Variants in FRAS1 observed in about 807,000 individuals in gnomAD.
FRAS1 encodes Fraser extracellular matrix complex subunit 1, also known as extracellular matrix organizing protein FRAS1.
Under a neutral mutation model 435.2 loss-of-function variants are expected in FRAS1, and 290 were observed. That is an observed-to-expected ratio of 0.67 (90% confidence interval 0.61 to 0.73). The LOEUF (loss-of-function observed/expected upper bound fraction) is 0.73. FRAS1 is among the 30% of genes least tolerant of loss of function. FRAS1 has a pLI of 0.00. For synonymous variants in FRAS1, 1,800 were observed against 1,851.0 expected, an observed-to-expected ratio of 0.97 and a Z score of 0.71; for missense variants, 4,860 against 5,001.5, an observed-to-expected ratio of 0.97 and a Z score of 0.85.
chr4:78,452,143 C>G, intron 46 of FRAS1, 32 bp from the exon 47 acceptor site: 1 of 1,600,334 alleles, frequency 6.2e-7, no homozygotes, highest in Non-Finnish European at 8.6e-7. Context: ...TGAGAAGATC[C>G]CATTTCAAAT....
chr4:78,532,782 G>T (rs1007621696), intron 70 of FRAS1, among the ~76,000 whole-genome samples: 1 of 152,050 alleles, frequency 6.6e-6, no homozygotes, highest in African/African-American at 2.4e-5. Context: ...TGTCTTTCAG[G>T]TTCATCCATG....
In FRAS1 at chr4:78,324,731, T is replaced by TTTTTC. The variant is rs1491139973; in HGVS notation, c.2137+5745_2137+5746insTTTTC. Among the ~76,000 whole-genome samples the TTTTTC allele has an allele frequency of 9.1e-3, 1,085 of 119,250 alleles. 30 individuals are homozygous for TTTTTC. The highest frequency in any genetic ancestry group is 0.031 in the African/African-American group (1,017 of 32,642). The allele number at this position is 119,250 out of a possible 152,430, so 78.2% of individuals were successfully genotyped here. A position where few individuals can be genotyped will look rare whatever the true frequency, so the allele number is the denominator to read the frequency against. On this transcript the variant is annotated intron_variant, in intron 18 of 73. Coordinates refer to ENST00000512123, the MANE Select transcript of FRAS1 (RefSeq NM_025074.7). Reference sequence around the variant, plus strand: ...TCCTTTTTTTTTTTTTTTTTTTTTTTCTGCATGTCACACTAGAGCTTTACA... The same window carrying TTTTTC: ...TCCTTTTTTTTTTTTTTTTTTTTTTTTTTTCCTGCATGTCACACTAGAGCTTTACA...
intron 26 of FRAS1, among the ~76,000 whole-genome samples, chr4:78,376,333 G>A (rs1731759193): frequency 6.6e-6 from 1 of 152,072 alleles, no homozygotes. Flanking sequence ...AAAAATATAG[G>A]CTACAAACCT....
chr4:78,058,082 G>T lies in FRAS1; in HGVS notation c.73G>T (p.Glu25Ter). The change falls in exon 1 of 74, where the codon GAA becomes TAA. Residue 25 changes from glutamate to a stop codon, truncating the protein, a stop_gained. Transcript: ENST00000512123. LOFTEE classifies it high-confidence loss of function. ...ATTTGCAGTATTGCCTCATCATTCC[G>T]AAGGTGAGAGAGCGGTGCCGCGTGT... ...AEFAVLPHHS[E>*]GACVYQDSLL... 6.2e-7 allele frequency: 1 copy of T among 1,613,410 alleles called. No individual in the cohort carries two copies. The highest frequency in any genetic ancestry group is 8.5e-7 in the Non-Finnish European group (1 of 1,179,668).
intron 29 of FRAS1, among the ~76,000 whole-genome samples, chr4:78,388,718 G>T (rs1248165067): frequency 6.6e-6 from 1 of 151,950 alleles, no homozygotes; most frequent in African/African-American, 2.4e-5. Context: ...TGAGGTGGGA[G>T]GATCACTTTA....
chr4:78,394,604 CT>C (rs781600916), intron 29 of FRAS1, among the ~76,000 whole-genome samples: 17 of 151,970 alleles, frequency 1.1e-4, no homozygotes, highest in Non-Finnish European at 2.4e-4. Context: ...GTTTTAATTA[CT>C]ATAACTTTGT....
At chr4:78,208,739 T>C (rs1319677045) in intron 2 of FRAS1, among the ~76,000 whole-genome samples, 2 of 152,188 alleles carry the variant, frequency 1.3e-5, no homozygotes, top group Non-Finnish European at 2.9e-5. Context: ...TTTTTCTACA[T>C]TATAATTTAT....
intron 2 of FRAS1, among the ~76,000 whole-genome samples, chr4:78,198,168 A>T (rs538507386): frequency 3.3e-5 from 5 of 152,248 alleles, no homozygotes; most frequent in African/African-American, 1.2e-4. Context: ...ACCTCCTCAG[A>T]CACCACTGAA....
At chr4:78,133,401 G>A (rs959925244) in intron 2 of FRAS1, among the ~76,000 whole-genome samples, 3 of 152,118 alleles carry the variant, frequency 2.0e-5, no homozygotes, top group Non-Finnish European at 4.4e-5. Flanking sequence ...GAGGGAGGTA[G>A]GGAAGGTTAA....
intron 2 of FRAS1, among the ~76,000 whole-genome samples, chr4:78,151,425 C>T (rs894986306): frequency 8.5e-5 from 13 of 152,110 alleles, no homozygotes; most frequent in African/African-American, 2.9e-4. Flanking sequence ...CCTCAGTGGA[C>T]CCTCTGTCTC....
Position 78,375,847 on chromosome 4 carries a change from T to G in FRAS1, c.3260T>G (p.Phe1087Cys), listed in dbSNP as rs762836848. The G allele has an allele frequency of 2.5e-6, 4 of 1,613,904 alleles. No individual in the cohort carries two copies. Among genetic ancestry groups the G allele is most frequent in the Non-Finnish European group, 3.4e-6 (4 of 1,179,834 alleles). The change falls in exon 26 of 74, where the codon TTT becomes TGT. Residue 1087 changes from phenylalanine (F) to cysteine (C), a missense_variant. Coordinates refer to ENST00000512123, the MANE Select transcript of FRAS1 (RefSeq NM_025074.7). ...TGTGTTTACAACTGTGTTCCTGGCTTTTCTGTCCACACCTCTAATGAAACA... is the reference window on the plus strand; with the variant it reads ...TGTGTTTACAACTGTGTTCCTGGCTGTTCTGTCCACACCTCTAATGAAACA... ...GLCVYNCVPGFSVHTSNETCS... is the reference protein window; with the variant it reads ...GLCVYNCVPGCSVHTSNETCS...
At chr4:78,081,707 T>C (rs1560511292) in intron 2 of FRAS1, among the ~76,000 whole-genome samples, 1 of 152,064 alleles carries the variant, frequency 6.6e-6, no homozygotes, top group Non-Finnish European at 1.5e-5. Context: ...TCTGGGAGCC[T>C]CAGAGTCAGA....
intron 20 of FRAS1, among the ~76,000 whole-genome samples, chr4:78,360,029 G>A (rs1318615481): frequency 6.6e-6 from 1 of 152,198 alleles, no homozygotes; most frequent in Non-Finnish European, 1.5e-5. Flanking sequence ...AAACCGCCAT[G>A]TCTGGTTTGA....
chr4:78,463,180 A>G (rs1719421889), intron 47 of FRAS1, among the ~76,000 whole-genome samples: 1 of 152,186 alleles, frequency 6.6e-6, no homozygotes, highest in Admixed American at 6.5e-5. Context: ...AGAAGCAACA[A>G]TTTCAAGTTG....
Position 78,429,109 on chromosome 4 carries a change from C to A in FRAS1, c.4726C>A (p.His1576Asn), listed in dbSNP as rs1734112481. The change falls in exon 36 of 74, where the codon CAC becomes AAC. Residue 1576 changes from histidine to asparagine, a missense_variant. His to Asn is a moderately conservative substitution (Grantham distance 68, BLOSUM62 1). Coordinates refer to ENST00000512123, the MANE Select transcript of FRAS1 (RefSeq NM_025074.7). ...KFHFTVSDGEHTSPEMVLTIH... is the reference protein window; with the variant it reads ...KFHFTVSDGENTSPEMVLTIH... ...ATCCTTTTTAGTTTCAGATGGAGAACACACAAGTCCGGAGATGGTCCTCAC... is the reference window on the plus strand; with the variant it reads ...ATCCTTTTTAGTTTCAGATGGAGAAAACACAAGTCCGGAGATGGTCCTCAC... The A allele has an allele frequency of 6.4e-7, 1 of 1,555,904 alleles. No homozygotes were observed.
rs200203389 is a variant in FRAS1, at chr4:78,515,855, G to A, written c.10231G>A (p.Asp3411Asn). 540 of 1,613,888 alleles carry A rather than the reference G, an allele frequency of 3.3e-4. 2 individuals carry two copies. Among genetic ancestry groups the A allele is most frequent in the Non-Finnish European group, 3.9e-4 (456 of 1,179,902 alleles). The change falls in exon 66 of 74, where the codon GAT becomes AAT. Residue 3411 changes from aspartate (D) to asparagine (N), a missense_variant. Coordinates refer to ENST00000512123, the MANE Select transcript of FRAS1 (RefSeq NM_025074.7). The part of the protein sequence containing the change: ...YDSTALGPGY[D>N]RPFQFDPSVR... ...TAGCACTGCCCTGGGGCCTGGCTAC[G>A]ATCGCCCCTTCCAGTTTGACCCCAG...
chr4:78,528,442 TA>T (rs1721610328), intron 70 of FRAS1, among the ~76,000 whole-genome samples: 1 of 152,202 alleles, frequency 6.6e-6, no homozygotes, highest in African/African-American at 2.4e-5. Flanking sequence ...TTTCTGCAGA[TA>T]ACCACAGATC....
chr4:78,081,142 A>C lies in FRAS1; in HGVS notation c.108+15126A>C, dbSNP rs149073858. The stretch of plus-strand genomic sequence containing the variant: ...TGAGGATGGGGGTTTGTGGGGCTGC[A>C]GAAAGGAAAGCTAGACTGTAAAGGG... On this transcript the variant is annotated intron_variant, in intron 2 of 73. Coordinates refer to ENST00000512123, the MANE Select transcript of FRAS1 (RefSeq NM_025074.7). Among the ~76,000 whole-genome samples, 806 of 152,278 alleles carry C rather than the reference A, an allele frequency of 5.3e-3. 6 individuals carry two copies. Among genetic ancestry groups the C allele is most frequent in the African/African-American group, 0.018 (766 of 41,570 alleles).
chr4:78,530,104 T>A (rs1331131567), intron 70 of FRAS1, among the ~76,000 whole-genome samples: 2 of 152,124 alleles, frequency 1.3e-5, no homozygotes, highest in Admixed American at 1.3e-4. Flanking sequence ...AATTCCACAA[T>A]GTATTTGACC....
Sources: gnomAD v4.1 joint callset for allele counts (sites outside exome capture counted in the v4.1 genomes callset) on GRCh38, gnomAD v4.1.1 for gene constraint, MANE v1.5 for transcripts, NCBI Gene and HGNC (gene_info 2026-07-23, HGNC 2026-07-21) for gene names.